Variants in ELMO1 observed in about 807,000 individuals in gnomAD.
The protein encoded by ELMO1 is engulfment and cell motility protein 1.
In ELMO1, 26 loss-of-function variants were observed where a neutral mutation model predicts 98.9. That is an observed-to-expected ratio of 0.26 (90% confidence interval 0.19 to 0.36). ELMO1 has a LOEUF of 0.36. ELMO1 is among the 10% of genes least tolerant of loss of function. The pLI is 1.00. For synonymous variants in ELMO1, 346 were observed against 346.0 expected (o/e 1.00, Z 0.00); for missense variants, 627 against 935.2 (o/e 0.67, Z 4.30).
chr7:36,862,254 G>A (rs1256902905), intron 20 of ELMO1: 2 of 161,902 alleles, frequency 1.2e-5, no homozygotes, highest in East Asian at 1.7e-4. Flanking sequence ...CGCTATGCCA[G>A]CTTTAAGGAG....
At chr7:37,137,496 C>T (rs77493436) in intron 13 of ELMO1, among the ~76,000 whole-genome samples, 14,426 of 152,096 alleles carry the variant, frequency 0.095, 710 homozygotes, top group Middle Eastern at 0.15. Flanking sequence ...ACATGGAATG[C>T]TCTCCAAGAC....
intron 13 of ELMO1, among the ~76,000 whole-genome samples, chr7:37,176,032 T>C (rs1790480122): frequency 6.6e-6 from 1 of 152,236 alleles, no homozygotes; most frequent in Non-Finnish European, 1.5e-5. Context: ...TTTCAAGTGA[T>C]GTTTGGAATG....
chr7:37,104,888 A>G (rs1784857796), intron 14 of ELMO1, among the ~76,000 whole-genome samples: 1 of 152,226 alleles, frequency 6.6e-6, no homozygotes, highest in Admixed American at 6.5e-5. Flanking sequence ...CAGGGAACCA[A>G]GATAAATAAC....
At chr7:37,211,875 G>A (rs1474584692) in intron 12 of ELMO1, among the ~76,000 whole-genome samples, 1 of 152,168 alleles carries the variant, frequency 6.6e-6, no homozygotes, top group Non-Finnish European at 1.5e-5. Flanking sequence ...GTACAGTTGG[G>A]AACAAAGTAA....
At chr7:37,076,805 C>A (rs2129230678) in intron 15 of ELMO1, among the ~76,000 whole-genome samples, 1 of 152,332 alleles carries the variant, frequency 6.6e-6, no homozygotes, top group East Asian at 1.9e-4. Flanking sequence ...CACAGACAGC[C>A]CCCACTTCTG....
chr7:37,103,393 A>T (rs1044311989), intron 14 of ELMO1, among the ~76,000 whole-genome samples: 50 of 152,114 alleles, frequency 3.3e-4, no homozygotes, highest in African/African-American at 1.2e-3. Context: ...GTGGTTCTAC[A>T]TCATTCTCAG....
chr7:36,960,563 A>G (rs1199910778), intron 16 of ELMO1, among the ~76,000 whole-genome samples: 1 of 152,058 alleles, frequency 6.6e-6, no homozygotes, highest in Admixed American at 6.5e-5. Flanking sequence ...TGGAGAAACA[A>G]CCTTCAGCAA....
At chr7:37,171,260 A>T (rs993934879) in intron 13 of ELMO1, among the ~76,000 whole-genome samples, 4 of 152,084 alleles carry the variant, frequency 2.6e-5, no homozygotes, top group Non-Finnish European at 4.4e-5. Flanking sequence ...TTCCTAAGAG[A>T]TCATTTAAAT....
chr7:37,088,598 G>A (rs1403262413), intron 15 of ELMO1, among the ~76,000 whole-genome samples: 3 of 152,174 alleles, frequency 2.0e-5, no homozygotes, highest in African/African-American at 7.2e-5. Flanking sequence ...TGTTACAGAT[G>A]GGGACAGTAA....
At chr7:37,119,000 C>G (rs1785800496) in intron 14 of ELMO1, among the ~76,000 whole-genome samples, 1 of 152,190 alleles carries the variant, frequency 6.6e-6, no homozygotes, top group Non-Finnish European at 1.5e-5. Flanking sequence ...CTGGTACTAC[C>G]TTAGCTGTGT....
intron 15 of ELMO1, among the ~76,000 whole-genome samples, chr7:37,087,438 G>C (rs538710733): frequency 1.3e-5 from 2 of 151,762 alleles, no homozygotes; most frequent in African/African-American, 4.8e-5. Context: ...CTTTCTGGCA[G>C]ATTTTTTTTT....
intron 16 of ELMO1, among the ~76,000 whole-genome samples, chr7:36,977,328 T>A (rs1484534516): frequency 6.6e-6 from 1 of 152,170 alleles, no homozygotes; most frequent in Non-Finnish European, 1.5e-5. Context: ...AGAGTACAGC[T>A]CTTAAAACCA....
intron 13 of ELMO1, among the ~76,000 whole-genome samples, chr7:37,157,549 C>A (rs1204612238): frequency 6.6e-6 from 1 of 152,140 alleles, no homozygotes; most frequent in African/African-American, 2.4e-5. Flanking sequence ...TGAGTGAACT[C>A]CCATTCAAAT....
chr7:37,095,476 G>C (rs562979455), intron 15 of ELMO1, among the ~76,000 whole-genome samples: 1 of 152,314 alleles, frequency 6.6e-6, no homozygotes, highest in South Asian at 2.1e-4. Flanking sequence ...ACCAGAGTAG[G>C]TGAATGCAGA....
chr7:37,344,013 T>G (rs1197974282), intron 1 of ELMO1, among the ~76,000 whole-genome samples: 2 of 150,706 alleles, frequency 1.3e-5, no homozygotes, highest in Non-Finnish European at 2.9e-5. Context: ...ATTTGCCACT[T>G]TCTTTATATA....
At chr7:37,187,640 A>G (rs963059746) in intron 13 of ELMO1, among the ~76,000 whole-genome samples, 1 of 152,182 alleles carries the variant, frequency 6.6e-6, no homozygotes, top group Admixed American at 6.5e-5. Flanking sequence ...ATTATCAGTC[A>G]TCTACTCCAA....
intron 2 of ELMO1, among the ~76,000 whole-genome samples, chr7:37,333,280 C>A (rs1800231812): frequency 1.3e-5 from 2 of 152,108 alleles, no homozygotes; most frequent in Admixed American, 6.5e-5. Flanking sequence ...AACCTGTTGA[C>A]CTAACAGGAA....
chr7:37,073,182 T>C (rs1049083436), intron 15 of ELMO1, among the ~76,000 whole-genome samples: 1 of 152,152 alleles, frequency 6.6e-6, no homozygotes, highest in African/African-American at 2.4e-5. Flanking sequence ...TCTCAATATA[T>C]AGAAATAGAC....
At chr7:36,908,815 G>A (rs1784145566) in intron 16 of ELMO1, among the ~76,000 whole-genome samples, 6 of 152,174 alleles carry the variant, frequency 3.9e-5, no homozygotes, top group Admixed American at 3.9e-4. Flanking sequence ...TATCAAGTGA[G>A]TTGGGTGCAT....
Sources: gnomAD v4.1 joint callset for allele counts (sites outside exome capture counted in the v4.1 genomes callset) on GRCh38, gnomAD v4.1.1 for gene constraint, MANE v1.5 for transcripts, NCBI Gene and HGNC (gene_info 2026-07-23, HGNC 2026-07-21) for gene names.